MS4A18: variants seen among roughly 807,000 people sequenced by gnomAD.
MS4A18 encodes the protein membrane spanning 4-domains A18.
MS4A18 carries 27 observed loss-of-function variants against 13.1 expected under a neutral mutation model. That is an observed-to-expected ratio of 2.06 (90% CI 1.52 to 2.84). MS4A18 has a LOEUF of 2.84. MS4A18 is among the 30% of genes most tolerant of loss of function. The pLI is 0.00. For missense variants in MS4A18, 307 were observed against 196.4 expected (o/e 1.56, Z -3.37); for synonymous variants, 126 against 76.5 (o/e 1.65, Z -3.38).
chr11:60,730,175 C>T (rs1853232224), intron 1 of MS4A18, among the ~76,000 whole-genome samples: 1 of 152,220 alleles, frequency 6.6e-6, no homozygotes, highest in Admixed American at 6.5e-5. Context: ...CGCTCTGGGC[C>T]TCCATTTCCT....
At chr11:60,725,393 A>G (rs551514851), upstream of MS4A18, among the ~76,000 whole-genome samples, 50 of 152,148 alleles carry the variant, frequency 3.3e-4, no homozygotes, top group African/African-American at 1.2e-3. Context: ...ACAGGGTTTC[A>G]CCGTGTTAAC....
At chr11:60,743,792 C>T (rs1006983651) in exon 6 of MS4A18, 1 of 700,424 alleles carries the variant, frequency 1.4e-6, no homozygotes, top group Non-Finnish European at 2.6e-6. Flanking sequence ...ACCATTCACC[C>T]TGTCAACACC....
chr11:60,731,628 T>C (rs1853254936), intron 1 of MS4A18, among the ~76,000 whole-genome samples: 1 of 152,220 alleles, frequency 6.6e-6, no homozygotes, highest in Admixed American at 6.5e-5. Flanking sequence ...TTAGTAGTAG[T>C]ATTCCCATTT....
chr11:60,744,307 C>T (rs1019275479), downstream of MS4A18: 2 of 307,664 alleles, frequency 6.5e-6, no homozygotes, highest in South Asian at 3.8e-5. Context: ...GGTTCTAAAT[C>T]GGTGCCTCAG....
intron 5 of MS4A18, among the ~76,000 whole-genome samples, chr11:60,743,170 T>C (rs1434631935): frequency 6.6e-6 from 1 of 152,248 alleles, no homozygotes. Context: ...TTTTGCCCCA[T>C]ATCAAACAAC....
At chr11:60,735,836 G>T (rs892201680) in intron 2 of MS4A18, among the ~76,000 whole-genome samples, 1 of 150,378 alleles carries the variant, frequency 6.6e-6, no homozygotes, top group East Asian at 2.0e-4. Context: ...GCTAATTTTT[G>T]TATTTTCAGT....
chr11:60,727,711 G>A (rs1853186748), upstream of MS4A18, among the ~76,000 whole-genome samples: 3 of 152,086 alleles, frequency 2.0e-5, no homozygotes, highest in Admixed American at 2.0e-4. Context: ...TCTAAGTAAA[G>A]GGATAAGCCC....
chr11:60,737,177 T>A (rs1488904700), intron 3 of MS4A18, 143 bp downstream of exon 4: 1 of 627,614 alleles, frequency 1.6e-6, no homozygotes, highest in East Asian at 2.7e-5. Context: ...TTCCAGTCAA[T>A]CCCCATCACT....
At chr11:60,726,727 ATTTTATTTTATTT>A (rs1460497922), upstream of MS4A18, among the ~76,000 whole-genome samples, 1 of 144,498 alleles carries the variant, frequency 6.9e-6, no homozygotes, top group African/African-American at 2.6e-5. Context: ...CTTTTATTTT[ATTTTATTTTATTT>A]TATTTTATTT....
exon 5 of MS4A18, chr11:60,741,096 G>A: frequency 1.4e-6 from 1 of 703,028 alleles, no homozygotes; most frequent in South Asian, 1.5e-5. Context: ...CCTCACTTGT[G>A]TGGTCTCACA....
At chr11:60,728,393 T>C (rs1853195500), upstream of MS4A18, among the ~76,000 whole-genome samples, 1 of 149,654 alleles carries the variant, frequency 6.7e-6, no homozygotes, top group East Asian at 2.0e-4. Flanking sequence ...TCTGTGTGTA[T>C]GTGTGTATGT....
At chr11:60,737,111 C>T (rs1853354289) in intron 3 of MS4A18, 77 bp downstream of exon 4, 4 of 700,480 alleles carry the variant, frequency 5.7e-6, no homozygotes, top group Admixed American at 4.0e-5. Flanking sequence ...AAAGGAGACT[C>T]ACAGTAGTGG....
At chr11:60,735,483 G>A (rs1482208737) in intron 2 of MS4A18, among the ~76,000 whole-genome samples, 2 of 146,356 alleles carry the variant, frequency 1.4e-5, no homozygotes, top group Non-Finnish European at 3.0e-5. Flanking sequence ...ACAGGCGCCT[G>A]CCACCGTGCC....
chr11:60,734,390 A>G (rs1458179355), intron 2 of MS4A18, among the ~76,000 whole-genome samples: 1 of 152,222 alleles, frequency 6.6e-6, no homozygotes, highest in Non-Finnish European at 1.5e-5. Context: ...ATGATTGTCA[A>G]ACCATTTGGT....
downstream of MS4A18, chr11:60,744,316 A>G (rs17155261): frequency 0.19 from 55,946 of 294,238 alleles, 6,897 homozygotes; most frequent in African/African-American, 0.37. Flanking sequence ...TCGGTGCCTC[A>G]GCCATGGAAT....
chr11:60,735,551 G>A (rs559052158), intron 2 of MS4A18, among the ~76,000 whole-genome samples: 12 of 136,910 alleles, frequency 8.8e-5, no homozygotes, highest in Non-Finnish European at 1.1e-4. Flanking sequence ...GGGTTTCACC[G>A]TGGTCTCGAT....
intron 3 of MS4A18, among the ~76,000 whole-genome samples, chr11:60,738,000 G>A (rs1853366210): frequency 6.6e-6 from 1 of 152,224 alleles, no homozygotes; most frequent in South Asian, 2.1e-4. Flanking sequence ...CCCCTGGGAA[G>A]TCAAATGCTC....
intron 5 of MS4A18, 69 bp downstream of exon 6, chr11:60,741,212 T>TA: frequency 2.9e-6 from 2 of 701,508 alleles, no homozygotes; most frequent in East Asian, 2.7e-5. Context: ...TAGCAAGAGG[T>TA]AACCAGAGAT....
chr11:60,725,391 T>C (rs1343932225), upstream of MS4A18, among the ~76,000 whole-genome samples: 1 of 152,156 alleles, frequency 6.6e-6, no homozygotes, highest in Non-Finnish European at 1.5e-5. Context: ...AGACAGGGTT[T>C]CACCGTGTTA....
Sources: allele counts gnomAD v4.1 joint callset (sites outside exome capture counted in the v4.1 genomes callset), GRCh38; gene constraint gnomAD v4.1.1; transcripts MANE v1.5; gene names NCBI Gene and HGNC (gene_info 2026-07-23, HGNC 2026-07-21).